VWA5A: variants seen among roughly 807,000 people sequenced by gnomAD.
VWA5A encodes the protein von Willebrand factor A domain containing 5A, also known as von Willebrand factor A domain-containing protein 5A.
In VWA5A, 77 loss-of-function variants were observed where a neutral mutation model predicts 84.6. The observed-to-expected ratio is 0.91, with a 90% CI of 0.76 to 1.10. VWA5A has a LOEUF of 1.10. Ranked by LOEUF, VWA5A falls within the 50% of genes least tolerant of loss-of-function variation. The pLI, the probability that VWA5A is intolerant of heterozygous loss-of-function variation, is 0.00. For synonymous variants in VWA5A, 334 were observed against 350.1 expected (o/e 0.95, Z 0.51); for missense variants, 973 against 963.0 (o/e 1.01, Z -0.14).
Position 124,136,866 on chromosome 11 carries a change from C to G in VWA5A, c.1626-149C>G, listed in dbSNP as rs1054829349. On this transcript the variant is annotated intron_variant, in intron 14 of 18. Coordinates refer to ENST00000456829, the MANE Select transcript of VWA5A (RefSeq NM_001130142.2). ...TCCATTGTAATTGTTTTCCTACAAT[C>G]ATTTTTTATTTCTAAACCACCCAAG... 8 of 1,211,700 alleles carry G rather than the reference C, an allele frequency of 6.6e-6. No individual in the cohort carries two copies. The African/African-American group carries it at 1.1e-4, about 16-fold the overall frequency. The allele number at this position is 1,211,700 out of a possible 1,614,324, so 75.1% of individuals were successfully genotyped here.
chr11:124,131,551 C>A (rs11219465), intron 11 of VWA5A, among the ~76,000 whole-genome samples: 44 of 151,656 alleles, frequency 2.9e-4, no homozygotes, highest in Admixed American at 4.6e-4. Context: ...TAAATTGTTT[C>A]CCTAGGTGTT....
At chr11:124,119,198 A>C in intron 7 of VWA5A, 109 bp downstream of exon 7, 1 of 969,678 alleles carries the variant, frequency 1.0e-6, no homozygotes, top group Non-Finnish European at 1.6e-6. Flanking sequence ...TGGTTAATAC[A>C]TGTGAAACAC....
intron 15 of VWA5A, among the ~76,000 whole-genome samples, chr11:124,139,225 T>TTG (rs113893702): frequency 0.046 from 6,749 of 147,358 alleles, 247 homozygotes; most frequent in African/African-American, 0.1. Flanking sequence ...AGCATTTTGT[T>TTG]TGTGTGTGTG....
intron 7 of VWA5A, among the ~76,000 whole-genome samples, chr11:124,122,102 G>C (rs910282606): frequency 5.9e-5 from 9 of 152,106 alleles, no homozygotes; most frequent in African/African-American, 2.2e-4. Context: ...CCAAATCCCA[G>C]GACTACTGAG....
chr11:124,137,174 C>T lies in VWA5A; in HGVS notation c.1785C>T (p.Leu595=). 1 of 1,614,028 alleles carries T rather than the reference C, an allele frequency of 6.2e-7. No homozygotes were observed. Among genetic ancestry groups the T allele is most frequent in the Non-Finnish European group, 8.5e-7 (1 of 1,180,006 alleles). ...CTTTCATTGCTATCAATAAGGAGCT[C>T]AACAAGCCGGTTCAGGGGCCTCTGG... The part of the protein sequence containing the change: ...FTAFIAINKE[L]NKPVQGPLAH... The change falls in exon 15 of 19, where the codon CTC becomes CTT. Residue 595 remains leucine, a synonymous_variant. Transcript: ENST00000456829.
intron 7 of VWA5A, 61 bp downstream of exon 7, chr11:124,119,150 T>C: frequency 7.0e-7 from 1 of 1,430,882 alleles, no homozygotes; most frequent in East Asian, 2.4e-5. Flanking sequence ...TTGGAATTAC[T>C]GTCGAATTAC....
chr11:124,139,600 G>A (rs1247598123), intron 15 of VWA5A, among the ~76,000 whole-genome samples: 1 of 151,446 alleles, frequency 6.6e-6, no homozygotes, highest in Non-Finnish European at 1.5e-5. Flanking sequence ...AGAGCTTGCT[G>A]TTTGTGTATA....
rs189439415 is a variant in VWA5A at position 124,135,175 on chromosome 11, A to G, written c.1359+141A>G. ...CTATATCCCCAAGGCCTTAGGCTGT[A>G]TACTTAGTCAGGCTACTTTTGGCCT... On this transcript the variant is annotated intron_variant, in intron 12 of 18. Transcript: ENST00000456829. 1,218 of 559,320 alleles carry G rather than the reference A, an allele frequency of 2.2e-3. 5 individuals are homozygous for G. The highest frequency in any genetic ancestry group is 3.1e-3 in the Non-Finnish European group (1,041 of 334,482). 34.6% of individuals were successfully genotyped at this position (559,320 alleles called of 1,614,324 possible).
intron 12 of VWA5A, 78 bp from the exon 13 acceptor site, chr11:124,136,051 A>G (rs1346864924): frequency 6.7e-7 from 1 of 1,498,708 alleles, no homozygotes; most frequent in Non-Finnish European, 9.2e-7. Flanking sequence ...CACATCTGAT[A>G]CATAATAAAT....
At chr11:124,135,871 C>T (rs926917070) in intron 12 of VWA5A, among the ~76,000 whole-genome samples, 5 of 152,100 alleles carry the variant, frequency 3.3e-5, no homozygotes, top group Non-Finnish European at 7.4e-5. Context: ...GTAGGTGCCA[C>T]CTTTATCTAA....
At chr11:124,133,850 T>C (rs1400810171) in intron 11 of VWA5A, among the ~76,000 whole-genome samples, 1 of 152,242 alleles carries the variant, frequency 6.6e-6, no homozygotes, top group Non-Finnish European at 1.5e-5. Flanking sequence ...TTTTAATTTT[T>C]ATTATCATCC....
At chr11:124,130,768 G>A (rs1038741530) in intron 11 of VWA5A, among the ~76,000 whole-genome samples, 2 of 151,886 alleles carry the variant, frequency 1.3e-5, no homozygotes, top group Non-Finnish European at 2.9e-5. Context: ...AAAAGCCCTT[G>A]AAGAAATAGT....
chr11:124,120,069 T>C (rs1864907011), intron 7 of VWA5A, among the ~76,000 whole-genome samples: 1 of 152,222 alleles, frequency 6.6e-6, no homozygotes, highest in Admixed American at 6.5e-5. Context: ...AGTGTACAGT[T>C]CTGTGGTCTT....
intron 6 of VWA5A, 114 bp downstream of exon 6, chr11:124,118,822 G>GCAT: frequency 7.2e-7 from 1 of 1,383,136 alleles, no homozygotes; most frequent in Admixed American, 2.1e-5. Context: ...CATGCTCCTT[G>GCAT]CATATCGTCA....
chr11:124,136,441 G>A lies in VWA5A; in HGVS notation c.1525-133G>A, dbSNP rs1423877871. On this transcript the variant is annotated intron_variant, in intron 13 of 18. Transcript: ENST00000456829. ...TTCCTTCCCATCATTTCAGGTCTCC[G>A]GTTTCCTAGGCTACCTGATTCTTCA... 4.9e-6 allele frequency: 7 copies of A among 1,423,196 alleles called. No homozygotes were observed. The East Asian group carries it at 9.2e-5, about 19-fold the overall frequency. 88.2% of individuals were successfully genotyped at this position (1,423,196 alleles called of 1,614,324 possible). A position where few individuals can be genotyped will look rare whatever the true frequency, so the allele number is the denominator to read the frequency against.
Position 124,118,657 on chromosome 11 carries a change from C to T in VWA5A, c.594C>T (p.Asn198=), listed in dbSNP as rs142327603. Reference sequence around the variant, plus strand: ...ATGGCATTGAGAAGGTCCAATCCAACTGCCCCTTGAGTCCTACCGAGTACC... The same window carrying T: ...ATGGCATTGAGAAGGTCCAATCCAATTGCCCCTTGAGTCCTACCGAGTACC... ...SQHGIEKVQS[N]CPLSPTEYLG... is the part of the protein sequence containing the mutation. Residue 198 remains asparagine (N), a synonymous_variant, in exon 6 of 19, where the codon AAC becomes AAT. Transcript: ENST00000456829. The T allele has an allele frequency of 2.1e-4, 342 of 1,614,134 alleles. No homozygotes were observed. In the Middle Eastern group the frequency reaches 5.1e-3, roughly 24 times the overall value.
chr11:124,145,109 G>A, intron 17 of VWA5A, 128 bp from the exon 18 acceptor site: 1 of 1,211,626 alleles, frequency 8.3e-7, no homozygotes, highest in Middle Eastern at 2.1e-4. Flanking sequence ...AGTATCTGGA[G>A]GTAAAGAGAG....
At chr11:124,144,733 C>T (rs1342999840) in intron 17 of VWA5A, among the ~76,000 whole-genome samples, 1 of 152,182 alleles carries the variant, frequency 6.6e-6, no homozygotes, top group Non-Finnish European at 1.5e-5. Flanking sequence ...GAGAATATAA[C>T]TAGAGTCAGA....
chr11:124,136,082 C>T lies in VWA5A; in HGVS notation c.1360-47C>T, dbSNP rs182931509. ...TAAATGTCCAGTTAATTGTAGCTGC[C>T]ATTGTCTGTATCATTTGTGTTTATT... On this transcript the variant is annotated intron_variant, in intron 12 of 18. Coordinates refer to ENST00000456829, the MANE Select transcript of VWA5A (RefSeq NM_001130142.2). 55 of 1,589,498 alleles carry T rather than the reference C, an allele frequency of 3.5e-5. No individual in the cohort carries two copies. In the East Asian group the frequency reaches 1.2e-3, roughly 34 times the overall value.
Sources: allele counts gnomAD v4.1 joint callset (sites outside exome capture counted in the v4.1 genomes callset), GRCh38; gene constraint gnomAD v4.1.1; transcripts MANE v1.5; gene names NCBI Gene and HGNC (gene_info 2026-07-23, HGNC 2026-07-21).